KCNK10: variants seen among roughly 807,000 people sequenced by gnomAD.
KCNK10 encodes potassium two pore domain channel subfamily K member 10.
A neutral mutation model predicts 47.7 loss-of-function variants in KCNK10; 25 were observed. The ratio of observed to expected loss-of-function variants is 0.52; its 90% confidence interval spans 0.38 to 0.73. KCNK10 has a LOEUF of 0.73. Among genes scored for constraint, KCNK10 ranks in the 30% least tolerant of loss-of-function variants. The probability of loss-of-function intolerance (pLI) is 0.00; values close to 1 mark genes in which losing one functional copy is unlikely to be tolerated. For missense variants in KCNK10, 563 were observed against 714.5 expected, an observed-to-expected ratio of 0.79 and a Z score of 2.42; for synonymous variants, 303 against 285.6, an observed-to-expected ratio of 1.06 and a Z score of -0.61.
Position 88,181,070 on chromosome 14 carries a change from CTGG to C in KCNK10, c.*4462_*4464del. On this transcript the variant is annotated 3_prime_UTR_variant, in exon 7 of 7. Transcript: ENST00000319231. ...GCAGAGATGTGGAATGCAACACTGG[CTGG>C]TTTTTCCTTTCTCGTTTTACAGGGG... is the stretch of plus-strand genomic sequence containing the variant. 2.7e-6 allele frequency: 1 copy of C among 374,474 alleles called. No individual in the cohort carries two copies. The highest frequency in any genetic ancestry group is 3.8e-5 in the East Asian group (1 of 26,230). The allele number at this position is 374,474 out of a possible 1,614,324, so 23.2% of individuals were successfully genotyped here.
chr14:88,187,689 A>T (rs907154241), intron 6 of KCNK10, among the ~76,000 whole-genome samples: 7 of 149,238 alleles, frequency 4.7e-5, no homozygotes, highest in African/African-American at 1.7e-4. Context: ...TCATTTTTTT[A>T]AAATCAGCTG....
At chr14:88,319,887 A>G (rs1358381963) in intron 1 of KCNK10, among the ~76,000 whole-genome samples, 4 of 152,234 alleles carry the variant, frequency 2.6e-5, no homozygotes, top group African/African-American at 9.6e-5. Flanking sequence ...CAGTTAACTC[A>G]TCTGTAAAAT....
At chr14:88,189,126 T>C (rs981743784) in intron 5 of KCNK10, among the ~76,000 whole-genome samples, 1 of 152,174 alleles carries the variant, frequency 6.6e-6, no homozygotes, top group African/African-American at 2.4e-5. Context: ...AGACCAAGGT[T>C]GTAACCACAT....
At chr14:88,254,153 T>C (rs937341825) in intron 2 of KCNK10, among the ~76,000 whole-genome samples, 6 of 152,092 alleles carry the variant, frequency 3.9e-5, no homozygotes, top group African/African-American at 4.8e-5. Context: ...CCATTTTGCA[T>C]TGGAGAGACC....
chr14:88,235,158 A>G (rs779894016), intron 3 of KCNK10: 1 of 456,736 alleles, frequency 2.2e-6, no homozygotes, highest in South Asian at 1.5e-5. Context: ...ACTCTGTCAC[A>G]GAAATGAAGA....
At chr14:88,301,380 T>C (rs1888094343) in intron 1 of KCNK10, among the ~76,000 whole-genome samples, 1 of 152,310 alleles carries the variant, frequency 6.6e-6, no homozygotes, top group East Asian at 1.9e-4. Context: ...CACAGAGATA[T>C]CATTGTACTG....
chr14:88,291,119 G>T (rs1416467713), intron 1 of KCNK10, among the ~76,000 whole-genome samples: 1 of 152,200 alleles, frequency 6.6e-6, no homozygotes, highest in Non-Finnish European at 1.5e-5. Context: ...AAACACTGCA[G>T]AACTGTAAAT....
intron 4 of KCNK10, among the ~76,000 whole-genome samples, chr14:88,214,217 G>T (rs991877485): frequency 1.3e-5 from 2 of 152,050 alleles, no homozygotes; most frequent in African/African-American, 2.4e-5. Context: ...GGGATTACAG[G>T]CTTGAGTCAC....
intron 2 of KCNK10, among the ~76,000 whole-genome samples, chr14:88,259,174 A>G (rs1207213393): frequency 1.3e-5 from 2 of 152,216 alleles, no homozygotes; most frequent in Admixed American, 6.5e-5. Flanking sequence ...TCAGAGGCAT[A>G]AAGTGTGAGA....
At chr14:88,245,252 T>C (rs2139896141) in intron 2 of KCNK10, among the ~76,000 whole-genome samples, 1 of 152,298 alleles carries the variant, frequency 6.6e-6, no homozygotes, top group East Asian at 1.9e-4. Context: ...ATTTGTTTCT[T>C]TTAAAAAGAG....
intron 1 of KCNK10, among the ~76,000 whole-genome samples, chr14:88,276,998 T>C (rs916568769): frequency 6.6e-6 from 1 of 152,226 alleles, no homozygotes; most frequent in Non-Finnish European, 1.5e-5. Context: ...TCTGTGTGCA[T>C]CAAAAGTGGG....
rs1460021384 is a variant in KCNK10, at chr14:88,220,347, G to A, written c.681+7028C>T. Among the ~76,000 whole-genome samples, 175 of 142,044 alleles carry A rather than the reference G, an allele frequency of 1.2e-3. 1 individual carries two copies. The highest frequency in any genetic ancestry group is 4.7e-3 in the African/African-American group (174 of 37,404). The allele number at this position is 142,044 out of a possible 152,430, so 93.2% of individuals were successfully genotyped here. A position where few individuals can be genotyped will look rare whatever the true frequency, so the allele number is the denominator to read the frequency against. ...CAGGAGAATGGCGTGAACCCGGGAG[G>A]CGGAGCTTGCAGTGAGCCGAGATCG... On this transcript the variant is annotated intron_variant, in intron 4 of 6. Transcript: ENST00000319231.
intron 1 of KCNK10, among the ~76,000 whole-genome samples, chr14:88,275,543 G>C (rs55918329): frequency 0.021 from 3,196 of 152,156 alleles, 134 homozygotes; most frequent in African/African-American, 0.073. Context: ...CCGTGAAGGA[G>C]TGGGTGATAC....
chr14:88,322,408 G>GACACACAC lies in KCNK10; in HGVS notation c.52+331_52+338dup, dbSNP rs35179933. Among the ~76,000 whole-genome samples, 237 of 150,140 alleles carry GACACACAC rather than the reference G, an allele frequency of 1.6e-3. No individual in the cohort carries two copies. Among genetic ancestry groups the GACACACAC allele is most frequent in the African/African-American group, 5.4e-3 (219 of 40,768 alleles). On this transcript the variant is annotated intron_variant, in intron 1 of 6. Transcript: ENST00000319231. This position sits in a 1 kb window ranked among gnomAD's most constrained non-coding sequence, Gnocchi z 4.8. ...GAGACAAAGATCACCAGAAACAAAG[G>GACACACAC]ACACACACACACACACACACACACA...
At chr14:88,272,569 G>C (rs1368051720) in intron 1 of KCNK10, among the ~76,000 whole-genome samples, 1 of 152,148 alleles carries the variant, frequency 6.6e-6, no homozygotes, top group Non-Finnish European at 1.5e-5. Context: ...CAGGACTAGA[G>C]GGTGTGAAGA....
intron 1 of KCNK10, among the ~76,000 whole-genome samples, chr14:88,273,263 G>T (rs2139764819): frequency 6.6e-6 from 1 of 152,212 alleles, no homozygotes; most frequent in Non-Finnish European, 1.5e-5. Context: ...GAACTGGGCT[G>T]GGCGTCAGCA....
At chr14:88,288,087 T>C (rs551192095) in intron 1 of KCNK10, among the ~76,000 whole-genome samples, 2 of 152,192 alleles carry the variant, frequency 1.3e-5, no homozygotes, top group African/African-American at 4.8e-5. Context: ...ATCTCCCTTA[T>C]CATTAGTGAT....
intron 3 of KCNK10, among the ~76,000 whole-genome samples, chr14:88,230,576 AGT>A (rs1462686739): frequency 2.6e-5 from 4 of 152,108 alleles, no homozygotes; most frequent in Admixed American, 2.0e-4. Context: ...TTTAGTTGAG[AGT>A]GTGCTTTCTT....
chr14:88,277,571 T>G (rs974220543), intron 1 of KCNK10, among the ~76,000 whole-genome samples: 2 of 118,956 alleles, frequency 1.7e-5, no homozygotes, highest in African/African-American at 6.1e-5. Context: ...ATCTGAAGAC[T>G]GGGAAGTGTT....
Sources: gnomAD v4.1 joint callset for allele counts (sites outside exome capture counted in the v4.1 genomes callset) on GRCh38, gnomAD v4.1.1 for gene constraint, Gnocchi (gnomAD v3.1) non-coding constraint, MANE v1.5 for transcripts, NCBI Gene and HGNC (gene_info 2026-07-23, HGNC 2026-07-21) for gene names.